The following POLR3G variants were observed in gnomAD, a reference collection of about 807,000 sequenced individuals.
POLR3G encodes the protein RNA polymerase III subunit G, also known as DNA-directed RNA polymerase III subunit RPC7.
POLR3G carries 28 observed loss-of-function variants against 30.1 expected under a neutral mutation model. That is an observed-to-expected ratio of 0.93 (90% CI 0.69 to 1.27). POLR3G has a LOEUF of 1.27. Ranked by LOEUF, POLR3G falls within the 50% of genes most tolerant of loss-of-function variation. The pLI is 0.00. For missense variants in POLR3G, 254 were observed against 264.6 expected (o/e 0.96, Z 0.28); for synonymous variants, 79 against 82.5 (o/e 0.96, Z 0.23).
intron 7 of POLR3G, 70 bp downstream of exon 7, chr5:90,506,744 T>C: frequency 7.0e-7 from 1 of 1,433,298 alleles, no homozygotes; most frequent in Non-Finnish European, 9.2e-7. Flanking sequence ...ATATAGAGTA[T>C]GTATTGAAAT....
At chr5:90,489,040 C>T (rs1441405330) in intron 3 of POLR3G, among the ~76,000 whole-genome samples, 1 of 152,122 alleles carries the variant, frequency 6.6e-6, no homozygotes, top group South Asian at 2.1e-4. Flanking sequence ...TTCGTAGTGT[C>T]ATCTCATTCC....
At chr5:90,501,081 A>G (rs759934282) in intron 5 of POLR3G, among the ~76,000 whole-genome samples, 1 of 152,114 alleles carries the variant, frequency 6.6e-6, no homozygotes, top group Non-Finnish European at 1.5e-5. Context: ...TTTCACTTAC[A>G]TGCTTTTGAG....
At position 90,514,075 on chromosome 5, in the gene POLR3G, G is replaced by A. The variant is rs1752855560; in HGVS notation, c.*1936G>A. On this transcript the variant is annotated 3_prime_UTR_variant, in exon 8 of 8. Coordinates refer to ENST00000651687, the MANE Select transcript of POLR3G (RefSeq NM_006467.3). ...TTGCAGATAGCAGGGCAGCCCCTTG[G>A]GGCAAGGATTTACTCTGGGAGGTAC... 2 of 152,138 alleles carry A rather than the reference G, an allele frequency of 1.3e-5. No individual in the cohort carries two copies. The highest frequency in any genetic ancestry group is 4.1e-4 in the South Asian group (2 of 4,830). 9.4% of individuals were successfully genotyped at this position (152,138 alleles called of 1,614,324 possible). A position where few individuals can be genotyped will look rare whatever the true frequency, so the allele number is the denominator to read the frequency against.
intron 3 of POLR3G, among the ~76,000 whole-genome samples, chr5:90,491,045 A>G (rs2151906348): frequency 6.6e-6 from 1 of 152,290 alleles, no homozygotes; most frequent in East Asian, 1.9e-4. Flanking sequence ...GGACAGACAA[A>G]TAGGGTGAGA....
intron 3 of POLR3G, among the ~76,000 whole-genome samples, chr5:90,492,456 G>A (rs1040958528): frequency 6.6e-6 from 1 of 152,142 alleles, no homozygotes; most frequent in Admixed American, 6.5e-5. Flanking sequence ...ATGATTGAAA[G>A]GAAATTGATT....
intron 7 of POLR3G, among the ~76,000 whole-genome samples, chr5:90,507,315 C>T (rs557365985): frequency 6.6e-6 from 1 of 152,278 alleles, no homozygotes; most frequent in African/African-American, 2.4e-5. Flanking sequence ...ATTCTGGTGA[C>T]CTTTGTCTTC....
chr5:90,485,150 A>G (rs1439553101), intron 1 of POLR3G, among the ~76,000 whole-genome samples: 1 of 152,234 alleles, frequency 6.6e-6, no homozygotes, highest in African/African-American at 2.4e-5. Context: ...TAAAGTATAT[A>G]TGACTAATGA....
At chr5:90,493,560 T>G (rs1185241242) in intron 3 of POLR3G, among the ~76,000 whole-genome samples, 1 of 152,100 alleles carries the variant, frequency 6.6e-6, no homozygotes, top group Admixed American at 6.6e-5. Flanking sequence ...TTTTATTGAT[T>G]TTTAAGTAAC....
chr5:90,477,550 G>A (rs1750896306), intron 1 of POLR3G, among the ~76,000 whole-genome samples: 1 of 152,186 alleles, frequency 6.6e-6, no homozygotes, highest in African/African-American at 2.4e-5. Flanking sequence ...GGGGTTGGAA[G>A]TAGACAGGTC....
chr5:90,480,467 G>A (rs562436470), intron 1 of POLR3G, among the ~76,000 whole-genome samples: 2 of 152,296 alleles, frequency 1.3e-5, no homozygotes, highest in Non-Finnish European at 2.9e-5. Context: ...TGGTACCTTC[G>A]CTAATGATAG....
intron 7 of POLR3G, among the ~76,000 whole-genome samples, chr5:90,510,251 G>A (rs189843802): frequency 0.015 from 2,247 of 152,120 alleles, 64 homozygotes; most frequent in African/African-American, 0.052. Flanking sequence ...GGTGGCAGGC[G>A]CCTGTAGTCC....
intron 2 of POLR3G, among the ~76,000 whole-genome samples, chr5:90,487,624 C>G (rs1159173015): frequency 6.6e-6 from 1 of 151,940 alleles, no homozygotes; most frequent in Non-Finnish European, 1.5e-5. Flanking sequence ...ATCTCCTGAC[C>G]TCGTGATCCA....
rs55831546 is a variant in POLR3G at position 90,499,790 on chromosome 5, G to A, written c.355+2084G>A. ...TTTTTGCACATGTGTATTTAAGGCA[G>A]AGTATTTTTATTTTATTTTAAAGAT... On this transcript the variant is annotated intron_variant, in intron 5 of 7. Coordinates refer to ENST00000651687, the MANE Select transcript of POLR3G (RefSeq NM_006467.3). Among the ~76,000 whole-genome samples, 894 of 152,066 alleles carry A rather than the reference G, an allele frequency of 5.9e-3. 8 individuals are homozygous for A. The highest frequency in any genetic ancestry group is 0.02 in the African/African-American group (835 of 41,532).
At chr5:90,491,719 C>T (rs1751734003) in intron 3 of POLR3G, among the ~76,000 whole-genome samples, 1 of 151,932 alleles carries the variant, frequency 6.6e-6, no homozygotes, top group Non-Finnish European at 1.5e-5. Context: ...TCTGAGTGAT[C>T]TTATTTTTTC....
chr5:90,506,614 T>TGATGAC lies in POLR3G; in HGVS notation c.537_542dup (p.Asp180_Asp181dup), dbSNP rs745857878. ...GCAAAGAGAAAAGTAAAGAAGGTGA[T>TGATGAC]GATGACGATGACGATGATGCCGCAG... On this transcript the variant is annotated inframe_insertion, in exon 7 of 8. Transcript: ENST00000651687. 5 of 1,613,732 alleles carry TGATGAC rather than the reference T, an allele frequency of 3.1e-6. No homozygotes were observed. In the East Asian group the frequency reaches 6.7e-5, roughly 22 times the overall value.
intron 4 of POLR3G, among the ~76,000 whole-genome samples, chr5:90,496,195 T>TCTC (rs1488910629): frequency 2.6e-5 from 4 of 151,842 alleles, no homozygotes; most frequent in East Asian, 1.9e-4. Context: ...ATGGTCTTGA[T>TCTC]CTGACCTCAT....
chr5:90,488,057 G>C lies in POLR3G; in HGVS notation c.175G>C (p.Ala59Pro), dbSNP rs1191721477. The change falls in exon 3 of 8, where the codon GCT (alanine) becomes CCT (proline). Residue 59 changes from alanine (A) to proline (P), a missense_variant. Transcript: ENST00000651687. ...AGGAGAAGGTGAAGAATATATGCTG[G>C]CTTTGAAACAGGAGTTGAGAGAAAC... ...KTGEGEEYML[A>P]LKQELRETMK... 1 of 1,611,986 alleles carries C rather than the reference G, an allele frequency of 6.2e-7. No homozygotes were observed.
chr5:90,509,989 C>T (rs933576084), intron 7 of POLR3G, among the ~76,000 whole-genome samples: 16 of 152,104 alleles, frequency 1.1e-4, no homozygotes, highest in Admixed American at 7.2e-4. Context: ...TTGCTGTAAA[C>T]CAGTGGTTTT....
intron 1 of POLR3G, among the ~76,000 whole-genome samples, chr5:90,481,668 A>G (rs1751127888): frequency 6.6e-6 from 1 of 151,510 alleles, no homozygotes. Context: ...AAATAGAAAG[A>G]AAAAAAAATG....
Sources: allele counts gnomAD v4.1 joint callset (sites outside exome capture counted in the v4.1 genomes callset), GRCh38; gene constraint gnomAD v4.1.1; transcripts MANE v1.5; gene names NCBI Gene and HGNC (gene_info 2026-07-23, HGNC 2026-07-21).